Variants in CRLF3 observed in about 807,000 individuals in gnomAD.
CRLF3 encodes cytokine receptor-like factor 3.
A neutral mutation model predicts 55.0 loss-of-function variants in CRLF3; 33 were observed. That is an observed-to-expected ratio of 0.60 (90% confidence interval 0.46 to 0.80). The LOEUF (loss-of-function observed/expected upper bound fraction) is 0.80. Ranked by LOEUF, CRLF3 falls within the 30% of genes least tolerant of loss-of-function variation. The probability of loss-of-function intolerance (pLI) is 0.00; values close to 1 mark genes in which losing one functional copy is unlikely to be tolerated. For missense variants in CRLF3, 494 were observed against 538.4 expected, an observed-to-expected ratio of 0.92 and a Z score of 0.82; for synonymous variants, 238 against 196.8, an observed-to-expected ratio of 1.21 and a Z score of -1.75.
At chr17:30,792,287 C>T (rs1235352326) in intron 6 of CRLF3, 153 bp downstream of exon 6, 1 of 596,016 alleles carries the variant, frequency 1.7e-6, no homozygotes, top group Non-Finnish European at 2.9e-6. Flanking sequence ...GATGAGAAAA[C>T]TACAGCTACA....
intron 1 of CRLF3, among the ~76,000 whole-genome samples, chr17:30,824,160 C>T (rs1905070733): frequency 6.6e-6 from 1 of 151,862 alleles, no homozygotes. Context: ...TCCCCGCCTA[C>T]CCACCGCAGG....
intron 1 of CRLF3, among the ~76,000 whole-genome samples, chr17:30,813,738 C>T (rs959383482): frequency 1.3e-5 from 2 of 151,480 alleles, no homozygotes; most frequent in Admixed American, 1.3e-4. Context: ...TATCTATCTC[C>T]TAATGCTATC....
chr17:30,797,238 G>T, intron 3 of CRLF3, 73 bp downstream of exon 3: 1 of 1,039,594 alleles, frequency 9.6e-7, no homozygotes, highest in South Asian at 1.3e-5. Context: ...TGAGAATCTT[G>T]AACAGAGGGA....
At chr17:30,802,778 TGAA>T (rs1362267289) in intron 2 of CRLF3, among the ~76,000 whole-genome samples, 4 of 152,046 alleles carry the variant, frequency 2.6e-5, no homozygotes, top group African/African-American at 9.7e-5. Flanking sequence ...GGTGGTATAA[TGAA>T]GAAAGGAAGG....
chr17:30,797,247 G>T, intron 3 of CRLF3, 64 bp downstream of exon 3: 2 of 1,098,042 alleles, frequency 1.8e-6, no homozygotes, highest in South Asian at 1.3e-5. Flanking sequence ...TGAACAGAGG[G>T]AGGAAAAAAG....
chr17:30,819,229 A>G (rs965557161), intron 1 of CRLF3, among the ~76,000 whole-genome samples: 6 of 152,246 alleles, frequency 3.9e-5, no homozygotes, highest in African/African-American at 7.2e-5. Context: ...CAAAAGGTAC[A>G]TGAAAGCCAA....
intron 1 of CRLF3, among the ~76,000 whole-genome samples, chr17:30,811,882 G>A (rs185232736): frequency 1.8e-4 from 27 of 148,528 alleles, no homozygotes; most frequent in Middle Eastern, 3.6e-3. Flanking sequence ...AGGCCGAGGC[G>A]GGCGGGTCAT....
Position 30,796,181 on chromosome 17 carries a change from G to C in CRLF3, c.582C>G (p.Gly194=). 1 of 1,612,470 alleles carries C rather than the reference G, an allele frequency of 6.2e-7. No homozygotes were observed. The highest frequency in any genetic ancestry group is 8.5e-7 in the Non-Finnish European group (1 of 1,178,978). Residue 194 remains glycine (G), a synonymous_variant, in exon 4 of 8, where the codon GGC becomes GGG. Transcript: ENST00000324238. The part of the protein sequence containing the change: ...QIEELIEKPG[G]IIVRWCKVDD... ...ATACCTTACACCATCGTACAATGATGCCTCCAGGTTTCTCTATTAGTTCTT... is the reference window on the plus strand; with the variant it reads ...ATACCTTACACCATCGTACAATGATCCCTCCAGGTTTCTCTATTAGTTCTT...
At position 30,793,643 on chromosome 17, in the gene CRLF3, G is replaced by A. The variant is rs745637181; in HGVS notation, c.633C>T (p.Tyr211=). The change falls in exon 5 of 8, where the codon TAC becomes TAT. Residue 211 remains tyrosine, a synonymous_variant. Coordinates refer to ENST00000324238, the MANE Select transcript of CRLF3 (RefSeq NM_015986.4). ...AAGTACATTTACGAAACTGGAGCCT[G>A]TAATCTTGGGCTGTAAAGTCATCAT... ...KVDDDFTAQD[Y]RLQFRKCTSN... The A allele has an allele frequency of 4.3e-6, 7 of 1,613,754 alleles. No individual in the cohort carries two copies. The highest frequency in any genetic ancestry group is 1.7e-4 in the Middle Eastern group (1 of 6,052).
chr17:30,799,083 C>G (rs1189830449), intron 2 of CRLF3, among the ~76,000 whole-genome samples: 1 of 151,950 alleles, frequency 6.6e-6, no homozygotes, highest in African/African-American at 2.4e-5. Flanking sequence ...ACCAGCCTGG[C>G]CAACATGGTG....
intron 2 of CRLF3, among the ~76,000 whole-genome samples, chr17:30,799,511 A>C (rs1162940914): frequency 1.3e-5 from 2 of 150,228 alleles, no homozygotes; most frequent in Admixed American, 1.3e-4. Context: ...GGAATGTGCC[A>C]CTATGCCCAG....
chr17:30,816,614 C>T (rs918455349), intron 1 of CRLF3, among the ~76,000 whole-genome samples: 18 of 151,374 alleles, frequency 1.2e-4, no homozygotes, highest in African/African-American at 3.6e-4. Flanking sequence ...CTTTGCCTCC[C>T]GAGTAGCTGG....
rs1353758436 is a variant in CRLF3 at position 30,782,784 on chromosome 17, A to G, written c.*1403T>C. ...CTAAACAAGTGGAAATCTACTACTTATATATAAAAAGACAAGTAGAAAAGG... is the reference window on the plus strand; with the variant it reads ...CTAAACAAGTGGAAATCTACTACTTGTATATAAAAAGACAAGTAGAAAAGG... On this transcript the variant is annotated 3_prime_UTR_variant, in exon 8 of 8. Transcript: ENST00000324238. The G allele has an allele frequency of 6.6e-6, 1 of 152,234 alleles. No homozygotes were observed. Among genetic ancestry groups the G allele is most frequent in the Non-Finnish European group, 1.5e-5 (1 of 68,050 alleles). 9.4% of individuals were successfully genotyped at this position (152,234 alleles called of 1,614,324 possible).
rs1971526258 is a variant in CRLF3, at chr17:30,782,882, C to G, written c.*1305G>C. 1 of 148,706 alleles carries G rather than the reference C, an allele frequency of 6.7e-6. No individual in the cohort carries two copies. Among genetic ancestry groups the G allele is most frequent in the South Asian group, 2.3e-4 (1 of 4,410 alleles). The allele number at this position is 148,706 out of a possible 1,614,324, so 9.2% of individuals were successfully genotyped here. A position where few individuals can be genotyped will look rare whatever the true frequency, so the allele number is the denominator to read the frequency against. ...CAAAAATATCATACTTGCTTTTCTACTTTTTTACTATACTGGTAAAAATGA... is the reference window on the plus strand; with the variant it reads ...CAAAAATATCATACTTGCTTTTCTAGTTTTTTACTATACTGGTAAAAATGA... On this transcript the variant is annotated 3_prime_UTR_variant, in exon 8 of 8. Transcript: ENST00000324238.
chr17:30,791,510 T>C (rs905360684), intron 6 of CRLF3, among the ~76,000 whole-genome samples: 5 of 141,526 alleles, frequency 3.5e-5, no homozygotes, highest in African/African-American at 1.1e-4. Context: ...TCCAGTCTCT[T>C]GGCCTCTAAA....
At chr17:30,803,817 A>C (rs1597925043) in intron 2 of CRLF3, 84 bp downstream of exon 2, 2 of 1,037,166 alleles carry the variant, frequency 1.9e-6, no homozygotes, top group East Asian at 4.7e-5. Context: ...TTTCTTTTGT[A>C]AATTGCCCAG....
At chr17:30,796,379 G>C (rs766970686) in intron 3 of CRLF3, 42 bp from the exon 4 acceptor site, 5 of 1,465,750 alleles carry the variant, frequency 3.4e-6, no homozygotes, top group Admixed American at 4.1e-5. Context: ...CTCTAACTGA[G>C]AGTTAAAAAA....
At chr17:30,790,111 T>C (rs1388537587) in intron 6 of CRLF3, among the ~76,000 whole-genome samples, 3 of 152,142 alleles carry the variant, frequency 2.0e-5, no homozygotes, top group African/African-American at 7.2e-5. Flanking sequence ...TGACAACCGC[T>C]GACAATTCAA....
intron 6 of CRLF3, among the ~76,000 whole-genome samples, chr17:30,789,387 C>G (rs1231929833): frequency 6.6e-6 from 1 of 152,126 alleles, no homozygotes; most frequent in South Asian, 2.1e-4. Context: ...TCAGACATTA[C>G]CATGTGTCCA....
Sources: allele counts gnomAD v4.1 joint callset (sites outside exome capture counted in the v4.1 genomes callset), GRCh38; gene constraint gnomAD v4.1.1; transcripts MANE v1.5; gene names NCBI Gene and HGNC (gene_info 2026-07-23, HGNC 2026-07-21).